TSPAN3: variants seen among roughly 807,000 people sequenced by gnomAD.
TSPAN3 encodes the protein tetraspanin-3.
Under a neutral mutation model 31.1 loss-of-function variants are expected in TSPAN3, and 9 were observed. That is an observed-to-expected ratio of 0.29 (90% CI 0.17 to 0.50). The LOEUF (loss-of-function observed/expected upper bound fraction) is 0.50. TSPAN3 is among the 20% of genes least tolerant of loss of function. The pLI is 0.98. For synonymous variants in TSPAN3, 129 were observed against 114.3 expected (o/e 1.13, Z -0.82); for missense variants, 252 against 313.5 (o/e 0.80, Z 1.48).
At chr15:77,069,715 G>A (rs145379574) in intron 1 of TSPAN3, among the ~76,000 whole-genome samples, 71 of 152,326 alleles carry the variant, frequency 4.7e-4, no homozygotes, top group African/African-American at 1.7e-3. Context: ...GGGGGTCGGG[G>A]GAGGAGGAAA....
At chr15:77,066,964 T>C (rs993723029) in intron 1 of TSPAN3, among the ~76,000 whole-genome samples, 2 of 152,026 alleles carry the variant, frequency 1.3e-5, no homozygotes, top group Non-Finnish European at 2.9e-5. Context: ...ACATCACACG[T>C]GGTGAGGGGG....
intron 1 of TSPAN3, among the ~76,000 whole-genome samples, chr15:77,070,579 C>T (rs1172237684): frequency 7.0e-6 from 1 of 142,634 alleles, no homozygotes. Flanking sequence ...CAGCCGGCGA[C>T]TCCGGGGGGG....
chr15:77,055,894 C>T (rs747814096), intron 2 of TSPAN3, 31 bp from the exon 3 acceptor site: 4 of 1,573,962 alleles, frequency 2.5e-6, no homozygotes, highest in Admixed American at 4.1e-5. Context: ...AAATTATATA[C>T]AAATGAAAAA....
intron 1 of TSPAN3, chr15:77,069,992 T>C (rs2076857053): frequency 6.6e-6 from 1 of 152,212 alleles, no homozygotes; most frequent in African/African-American, 2.4e-5. Context: ...TTTCCTTATT[T>C]TCAGATCAAG....
In TSPAN3 at chr15:77,064,293, C is replaced by T. The variant is rs754541786; in HGVS notation, c.63+6599G>A. On this transcript the variant is annotated intron_variant, in intron 1 of 6. Coordinates refer to ENST00000267970, the MANE Select transcript of TSPAN3 (RefSeq NM_005724.6). ...AAAGTCTACCCTCTCTCCCCATTAG[C>T]TGTCAGACTACAGGGACTGTGTTTA... 3.9e-5 allele frequency: 6 copies of T among 152,118 alleles called. No individual in the cohort carries two copies. The South Asian group carries it at 1.2e-3, about 32-fold the overall frequency. The allele number at this position is 152,118 out of a possible 1,614,324, so 9.4% of individuals were successfully genotyped here. A position where few individuals can be genotyped will look rare whatever the true frequency, so the allele number is the denominator to read the frequency against.
At chr15:77,070,836 G>A in intron 1 of TSPAN3, 56 bp downstream of exon 1, 8 of 1,101,690 alleles carry the variant, frequency 7.3e-6, no homozygotes, top group Non-Finnish European at 9.0e-6. Flanking sequence ...GGGCGCCTCC[G>A]CCGCGGCCTC....
rs1197586128 is a variant in TSPAN3 at position 77,046,636 on chromosome 15, AAG to A, written c.*197_*198del. 1 of 563,146 alleles carries A rather than the reference AAG, an allele frequency of 1.8e-6. No homozygotes were observed. Among genetic ancestry groups the A allele is most frequent in the Non-Finnish European group, 3.1e-6 (1 of 318,548 alleles). 34.9% of individuals were successfully genotyped at this position (563,146 alleles called of 1,614,324 possible). A position where few individuals can be genotyped will look rare whatever the true frequency, so the allele number is the denominator to read the frequency against. On this transcript the variant is annotated 3_prime_UTR_variant, in exon 7 of 7. Coordinates refer to ENST00000267970, the MANE Select transcript of TSPAN3 (RefSeq NM_005724.6). ...TCGTACTTAAAATCTTAGGGGCATG[AAG>A]AGTCAGCTAGAACAAGGAAAAAGAA...
intron 1 of TSPAN3, among the ~76,000 whole-genome samples, chr15:77,059,776 A>G (rs1596166195): frequency 6.6e-6 from 1 of 152,204 alleles, no homozygotes; most frequent in Non-Finnish European, 1.5e-5. Context: ...ACTGGAGGCC[A>G]TATGTACTTA....
chr15:77,059,940 C>T (rs1305644406), intron 1 of TSPAN3, among the ~76,000 whole-genome samples: 1 of 152,124 alleles, frequency 6.6e-6, no homozygotes, highest in Non-Finnish European at 1.5e-5. Flanking sequence ...CACTGCCTCT[C>T]CCCCCTAAAA....
At position 77,041,976 on chromosome 15, in the gene TSPAN3, T is replaced by C. The variant is rs1246599138; in HGVS notation, c.*4859A>G. On this transcript the variant is annotated 3_prime_UTR_variant, in exon 7 of 7. Transcript: ENST00000267970. ...AGTAGTGGAGGCACTGGAGGCAGCC[T>C]GCAGGCCTGCCCTTTATACACCTTG... The C allele has an allele frequency of 6.6e-6, 1 of 152,214 alleles. No individual in the cohort carries two copies. The highest frequency in any genetic ancestry group is 1.9e-4 in the East Asian group (1 of 5,200). The allele number at this position is 152,214 out of a possible 1,614,324, so 9.4% of individuals were successfully genotyped here.
At position 77,055,816 on chromosome 15, in the gene TSPAN3, CACT is replaced by C; in HGVS notation, c.300_302del (p.Val102del). On this transcript the variant is annotated inframe_deletion, in exon 3 of 7. Transcript: ENST00000267970. ...TTGCTCTGTAAACATATCCCAAAAC[CACT>C]ACAACAACTTCTGTGACAAAAACCA... The C allele has an allele frequency of 6.2e-7, 1 of 1,611,240 alleles. No homozygotes were observed. Among genetic ancestry groups the C allele is most frequent in the Admixed American group, 1.7e-5 (1 of 59,368 alleles).
At position 77,056,338 on chromosome 15, in the gene TSPAN3, G is replaced by A. The variant is rs913896582; in HGVS notation, c.64-83C>T. ...ATTGCTTAGTATGGTATAATTTAATGAGAGTTACCGTAACTGTTATAGACT... is the reference window on the plus strand; with the variant it reads ...ATTGCTTAGTATGGTATAATTTAATAAGAGTTACCGTAACTGTTATAGACT... On this transcript the variant is annotated intron_variant, in intron 1 of 6. Coordinates refer to ENST00000267970, the MANE Select transcript of TSPAN3 (RefSeq NM_005724.6). 6 of 1,082,626 alleles carry A rather than the reference G, an allele frequency of 5.5e-6. No homozygotes were observed. In the African/African-American group the frequency reaches 6.6e-5, roughly 12 times the overall value. 67.1% of individuals were successfully genotyped at this position (1,082,626 alleles called of 1,614,324 possible).
intron 1 of TSPAN3, among the ~76,000 whole-genome samples, chr15:77,068,618 G>T (rs928261575): frequency 6.6e-6 from 1 of 152,094 alleles, no homozygotes; most frequent in African/African-American, 2.4e-5. Context: ...TACCTCTTAG[G>T]TAGCTTACTA....
At chr15:77,055,758 G>A (rs1296445150) in intron 3 of TSPAN3, 31 bp downstream of exon 3, 2 of 1,540,484 alleles carry the variant, frequency 1.3e-6, no homozygotes, top group East Asian at 4.5e-5. Context: ...CACCTTTTAA[G>A]GCATTATGTG....
In TSPAN3 at chr15:77,054,400, G is replaced by C. The variant is rs1298439145; in HGVS notation, c.331-121C>G. On this transcript the variant is annotated intron_variant, in intron 3 of 6. Coordinates refer to ENST00000267970, the MANE Select transcript of TSPAN3 (RefSeq NM_005724.6). The stretch of plus-strand genomic sequence containing the variant: ...GTTGCCAGATATCTATGAATTTCCT[G>C]TAAAGTTTTCTCCCTTCCTGCCTTC... 5.9e-6 allele frequency: 4 copies of C among 682,146 alleles called. No individual in the cohort carries two copies. In the African/African-American group the frequency reaches 7.2e-5, roughly 12 times the overall value. The allele number at this position is 682,146 out of a possible 1,614,324, so 42.3% of individuals were successfully genotyped here.
At chr15:77,066,661 G>T (rs2076835468) in intron 1 of TSPAN3, among the ~76,000 whole-genome samples, 1 of 150,122 alleles carries the variant, frequency 6.7e-6, no homozygotes, top group Non-Finnish European at 1.5e-5. Context: ...AATCCTCATG[G>T]GTCCAGCATG....
At chr15:77,065,639 G>T (rs764793074) in intron 1 of TSPAN3, among the ~76,000 whole-genome samples, 1 of 152,136 alleles carries the variant, frequency 6.6e-6, no homozygotes, top group Non-Finnish European at 1.5e-5. Context: ...TGTTAGTCAG[G>T]AGGGTGATCT....
At chr15:77,067,752 A>C (rs1204666833) in intron 1 of TSPAN3, 2 of 152,220 alleles carry the variant, frequency 1.3e-5, no homozygotes, top group African/African-American at 4.8e-5. Context: ...ATAATGACTT[A>C]ATTCAAAACC....
intron 6 of TSPAN3, among the ~76,000 whole-genome samples, chr15:77,049,469 T>C (rs1379759862): frequency 6.6e-6 from 1 of 152,206 alleles, no homozygotes; most frequent in African/African-American, 2.4e-5. Context: ...ACTCAGGAGC[T>C]TGACAAATCA....
Sources: gnomAD v4.1 joint callset for allele counts (sites outside exome capture counted in the v4.1 genomes callset) on GRCh38, gnomAD v4.1.1 for gene constraint, MANE v1.5 for transcripts, NCBI Gene and HGNC (gene_info 2026-07-23, HGNC 2026-07-21) for gene names.